Variants in BCAS3 observed in about 807,000 individuals in gnomAD.
BCAS3 encodes BCAS3 microtubule associated cell migration factor, also known as BCAS4/BCAS3 fusion.
BCAS3 carries 53 observed loss-of-function variants against 116.1 expected under a neutral mutation model. The observed-to-expected ratio is 0.46, with a 90% CI of 0.37 to 0.57. The LOEUF (loss-of-function observed/expected upper bound fraction) is 0.57. BCAS3 is among the 20% of genes least tolerant of loss of function. The pLI, the probability that BCAS3 is intolerant of heterozygous loss-of-function variation, is 0.00. For synonymous variants in BCAS3, 391 were observed against 408.2 expected (o/e 0.96, Z 0.51); for missense variants, 917 against 1,165.4 (o/e 0.79, Z 3.10).
intron 3 of BCAS3, among the ~76,000 whole-genome samples, chr17:60,687,865 C>T (rs1463695124): frequency 6.6e-6 from 1 of 152,122 alleles, no homozygotes; most frequent in African/African-American, 2.4e-5. Flanking sequence ...ACCATGTCCA[C>T]TAAGGAGAGA....
chr17:61,329,340 A>ATTTTTTTTTTTTTTTT (rs199612323), intron 22 of BCAS3, among the ~76,000 whole-genome samples: 1 of 109,416 alleles, frequency 9.1e-6, no homozygotes, highest in African/African-American at 3.0e-5. Context: ...TATTATTATT[A>ATTTTTTTTTTTTTTTT]TTATTTTTTT....
At chr17:61,129,254 G>A (rs2076206616) in intron 22 of BCAS3, among the ~76,000 whole-genome samples, 1 of 152,212 alleles carries the variant, frequency 6.6e-6, no homozygotes, top group Non-Finnish European at 1.5e-5. Flanking sequence ...TTTCTTTGAA[G>A]TAGAGGAACA....
rs1243096265 is a variant in BCAS3, at chr17:60,961,988, T to G, written c.1221+14636T>G. ...TCTCTTAACATAATGGCCTCCAGTT[T>G]CAGCTATGTTGCTGCAAATGACAGG... On this transcript the variant is annotated intron_variant, in intron 14 of 23. Coordinates refer to ENST00000407086, the MANE Select transcript of BCAS3 (RefSeq NM_017679.5). This position sits in a 1 kb window ranked among gnomAD's most constrained non-coding sequence, Gnocchi z 4.8. 1.3e-5 allele frequency among the ~76,000 whole-genome samples: 2 copies of G among 152,200 alleles called. No individual in the cohort carries two copies. The highest frequency in any genetic ancestry group is 4.8e-5 in the African/African-American group (2 of 41,456).
In BCAS3 at chr17:60,696,708, C is replaced by A. The variant is rs368712807; in HGVS notation, c.214+6947C>A. ...TCCTCACATAGATGTCCCACAGATG[C>A]CTCAAACTCTGATTTCTTTTCCCAT... is the stretch of plus-strand genomic sequence containing the variant. On this transcript the variant is annotated intron_variant, in intron 4 of 23. Transcript: ENST00000407086. The A allele has an allele frequency of 1.3e-5, 2 of 152,206 alleles. 1 individual carries two copies. Among genetic ancestry groups the A allele is most frequent in the South Asian group, 4.1e-4 (2 of 4,830 alleles). The allele number at this position is 152,206 out of a possible 1,614,324, so 9.4% of individuals were successfully genotyped here. A position where few individuals can be genotyped will look rare whatever the true frequency, so the allele number is the denominator to read the frequency against.
At chr17:61,015,630 A>C in intron 15 of BCAS3, 121 bp from the exon 16 acceptor site, 1 of 1,001,702 alleles carries the variant, frequency 1.0e-6, no homozygotes, top group Admixed American at 2.0e-5. Flanking sequence ...CTTGGCATCA[A>C]TTCTACCTTT....
chr17:61,292,064 G>A (rs1455481942), intron 22 of BCAS3, among the ~76,000 whole-genome samples: 1 of 152,158 alleles, frequency 6.6e-6, no homozygotes, highest in Non-Finnish European at 1.5e-5. Context: ...ACAGGAGGCA[G>A]CTGCCAGCAT....
At chr17:60,864,732 C>T (rs1289461894) in intron 7 of BCAS3, among the ~76,000 whole-genome samples, 2 of 152,154 alleles carry the variant, frequency 1.3e-5, no homozygotes, top group African/African-American at 2.4e-5. Context: ...CTGCCTGTAT[C>T]AGCTTTCAGT....
rs564925654 is a variant in BCAS3, at chr17:61,355,278, ACTT to A, written c.2426-13045_2426-13043del. 4.5e-4 allele frequency: 69 copies of A among 152,338 alleles called. No individual in the cohort carries two copies. Among genetic ancestry groups the A allele is most frequent in the African/African-American group, 1.6e-3 (67 of 41,582 alleles). The allele number at this position is 152,338 out of a possible 1,614,324, so 9.4% of individuals were successfully genotyped here. ...CTTCTTTGACTAATAAAAACAGAAG[ACTT>A]CTTGGCCCCAGGTTTCAGACTTCAA... On this transcript the variant is annotated intron_variant, in intron 22 of 23. Transcript: ENST00000407086. This position sits in a 1 kb window ranked among gnomAD's most constrained non-coding sequence, Gnocchi z 4.2.
chr17:61,128,303 A>G lies in BCAS3; in HGVS notation c.2425+43739A>G, dbSNP rs2076151641. On this transcript the variant is annotated intron_variant, in intron 22 of 23. Transcript: ENST00000407086. This position sits in a 1 kb window ranked among gnomAD's most constrained non-coding sequence, Gnocchi z 4.1. ...CAGATTTCATCTACGGCTGAGATGC[A>G]GAGGAGAGACTTAGTGAAATATGCA... 2.0e-6 allele frequency: 2 copies of G among 985,316 alleles called. No individual in the cohort carries two copies. The highest frequency in any genetic ancestry group is 2.4e-6 in the Non-Finnish European group (2 of 829,938). 61.0% of individuals were successfully genotyped at this position (985,316 alleles called of 1,614,324 possible).
chr17:60,968,182 GTT>G (rs2061759578), intron 14 of BCAS3, among the ~76,000 whole-genome samples: 1 of 151,710 alleles, frequency 6.6e-6, no homozygotes, highest in South Asian at 2.1e-4. Flanking sequence ...TGTCTACCTT[GTT>G]TTGATTTTAT....
intron 5 of BCAS3, among the ~76,000 whole-genome samples, chr17:60,720,797 G>T (rs745544390): frequency 2.0e-5 from 3 of 152,308 alleles, no homozygotes; most frequent in Non-Finnish European, 4.4e-5. Flanking sequence ...AGGGACTTAA[G>T]CATTGGAGGT....
intron 22 of BCAS3, among the ~76,000 whole-genome samples, chr17:61,317,868 G>A (rs2054874961): frequency 6.6e-6 from 1 of 152,246 alleles, no homozygotes; most frequent in African/African-American, 2.4e-5. Flanking sequence ...GAGGCCTGAT[G>A]TGGAATCTCC....
In BCAS3 at chr17:61,251,179, C is replaced by T. The variant is rs1001370625; in HGVS notation, c.2426-117148C>T. ...GAAGGTGAGACATTGGAGGCCTCAG[C>T]CTGGTGTCCCAGACAGTATTTGTCA... is the stretch of plus-strand genomic sequence containing the variant. On this transcript the variant is annotated intron_variant, in intron 22 of 23. Transcript: ENST00000407086. The surrounding 1 kb of genome is among the most constrained non-coding windows in gnomAD (Gnocchi z 4.7). Among the ~76,000 whole-genome samples the T allele has an allele frequency of 1.3e-5, 2 of 152,214 alleles. No individual in the cohort carries two copies. The highest frequency in any genetic ancestry group is 1.3e-4 in the Admixed American group (2 of 15,280).
intron 5 of BCAS3, among the ~76,000 whole-genome samples, chr17:60,742,143 G>A (rs1264600907): frequency 1.3e-5 from 2 of 152,146 alleles, no homozygotes; most frequent in Non-Finnish European, 2.9e-5. Flanking sequence ...GCACTAAAAT[G>A]TACTGTTTGG....
At chr17:61,372,929 T>G (rs1393367113) in intron 23 of BCAS3, among the ~76,000 whole-genome samples, 1 of 152,202 alleles carries the variant, frequency 6.6e-6, no homozygotes, top group Non-Finnish European at 1.5e-5. Context: ...TAAAAAAGCT[T>G]TTTAAATAAA....
chr17:61,129,018 C>T (rs956274641), intron 22 of BCAS3, among the ~76,000 whole-genome samples: 2 of 152,182 alleles, frequency 1.3e-5, no homozygotes, highest in African/African-American at 4.8e-5. Context: ...GCCAAGGAAA[C>T]GCTCACGCAA....
At position 61,196,340 on chromosome 17, in the gene BCAS3, G is replaced by A. The variant is rs945337138; in HGVS notation, c.2425+111776G>A. Among the ~76,000 whole-genome samples, 1 of 152,182 alleles carries A rather than the reference G, an allele frequency of 6.6e-6. No homozygotes were observed. The highest frequency in any genetic ancestry group is 1.5e-5 in the Non-Finnish European group (1 of 68,036). ...TTGTCTGAACTGTCACAGCAATAGCGCGTAAAGCTGTTTGCATAGCGTGCT... is the reference window on the plus strand; with the variant it reads ...TTGTCTGAACTGTCACAGCAATAGCACGTAAAGCTGTTTGCATAGCGTGCT... On this transcript the variant is annotated intron_variant, in intron 22 of 23. Coordinates refer to ENST00000407086, the MANE Select transcript of BCAS3 (RefSeq NM_017679.5). The surrounding 1 kb of genome is among the most constrained non-coding windows in gnomAD (Gnocchi z 4.7).
At chr17:61,384,909 G>A (rs2059772746) in intron 23 of BCAS3, among the ~76,000 whole-genome samples, 2 of 152,224 alleles carry the variant, frequency 1.3e-5, no homozygotes, top group South Asian at 2.1e-4. Flanking sequence ...GCAGGGTGAA[G>A]CCTGGGGAAG....
chr17:61,150,099 A>T (rs1426610878), intron 22 of BCAS3, among the ~76,000 whole-genome samples: 1 of 152,206 alleles, frequency 6.6e-6, no homozygotes, highest in Non-Finnish European at 1.5e-5. Flanking sequence ...AGGCCTGAAT[A>T]AAGTCCCAAC....
Sources: allele counts gnomAD v4.1 joint callset (sites outside exome capture counted in the v4.1 genomes callset), GRCh38; gene constraint gnomAD v4.1.1; non-coding constraint Gnocchi (gnomAD v3.1); transcripts MANE v1.5; gene names NCBI Gene and HGNC (gene_info 2026-07-23, HGNC 2026-07-21).